The following ZNF577 variants were observed in gnomAD, a reference collection of about 807,000 sequenced individuals.
ZNF577 encodes zinc finger protein 577.
A neutral mutation model predicts 13.9 loss-of-function variants in ZNF577; 14 were observed. The ratio of observed to expected loss-of-function variants is 1.00; its 90% confidence interval spans 0.66 to 1.57. The LOEUF is 1.57. Ranked by LOEUF, ZNF577 falls within the 40% of genes most tolerant of loss-of-function variation. The pLI, the probability that ZNF577 is intolerant of heterozygous loss-of-function variation, is 0.00. For missense variants in ZNF577, 555 were observed against 579.2 expected, an observed-to-expected ratio of 0.96 and a Z score of 0.43; for synonymous variants, 203 against 202.9, an observed-to-expected ratio of 1.00 and a Z score of 0.00.
At chr19:51,858,533 T>G (rs151134967) in intron 5 of ZNF577, among the ~76,000 whole-genome samples, 3 of 152,290 alleles carry the variant, frequency 2.0e-5, no homozygotes, top group Admixed American at 6.5e-5. Flanking sequence ...AATAAAATGG[T>G]GAAGAAAAGA....
intron 5 of ZNF577, among the ~76,000 whole-genome samples, chr19:51,848,281 A>G (rs2084364080): frequency 6.6e-6 from 1 of 152,186 alleles, no homozygotes; most frequent in African/African-American, 2.4e-5. Flanking sequence ...TCGTTCTTCT[A>G]AACCACACGA....
chr19:51,804,941 G>A (rs2084048211), exon 11 of ZNF577: 1 of 152,246 alleles, frequency 6.6e-6, no homozygotes, highest in South Asian at 2.1e-4. Context: ...TCAGTTGGTT[G>A]GTCCAGAGTA....
intron 9 of ZNF577, among the ~76,000 whole-genome samples, chr19:51,817,441 G>A (rs1260923182): frequency 6.6e-6 from 1 of 151,968 alleles, no homozygotes; most frequent in South Asian, 2.1e-4. Flanking sequence ...GTCACTTTCA[G>A]TAGCCATGAA....
intron 1 of ZNF577, chr19:51,885,991 G>A (rs1214935900): frequency 6.6e-6 from 1 of 152,112 alleles, no homozygotes; most frequent in African/African-American, 2.4e-5. Context: ...CAGCAACTTA[G>A]ATGATTTTCA....
chr19:51,829,149 G>A (rs560637766), intron 9 of ZNF577, among the ~76,000 whole-genome samples: 5 of 152,210 alleles, frequency 3.3e-5, no homozygotes, highest in African/African-American at 1.2e-4. Flanking sequence ...GGTCCAACCT[G>A]GCCGAATGAC....
intron 1 of ZNF577, among the ~76,000 whole-genome samples, chr19:51,883,811 A>G (rs59305384): frequency 0.28 from 42,697 of 152,070 alleles, 8,423 homozygotes; most frequent in African/African-American, 0.55. Flanking sequence ...AGTGGCTCAC[A>G]CCTGTAACCC....
downstream of ZNF577, among the ~76,000 whole-genome samples, chr19:51,865,348 C>T (rs796613255): frequency 2.6e-5 from 4 of 152,232 alleles, no homozygotes; most frequent in African/African-American, 7.2e-5. Context: ...CCACCCACCT[C>T]GGCCTCCCAA....
intron 1 of ZNF577, among the ~76,000 whole-genome samples, chr19:51,884,492 A>AT (rs1326986142): frequency 2.0e-5 from 3 of 152,148 alleles, no homozygotes; most frequent in African/African-American, 7.2e-5. Context: ...TCCATGAAAA[A>AT]AAGTTAGAGT....
In ZNF577 at chr19:51,869,995, G is replaced by A. The variant is rs774018141; in HGVS notation, c.*2537C>T. ...GCTGAGCTTGCTTCTCCCTCTCAGG[G>A]AACCTGGTGCTGATTGCTGGTAATT... On this transcript the variant is annotated 3_prime_UTR_variant, in exon 6 of 6. Transcript: ENST00000638348. Among the ~76,000 whole-genome samples, 3 of 152,162 alleles carry A rather than the reference G, an allele frequency of 2.0e-5. No homozygotes were observed. Among genetic ancestry groups the A allele is most frequent in the Non-Finnish European group, 2.9e-5 (2 of 68,026 alleles).
chr19:51,854,315 T>A (rs563569711), intron 5 of ZNF577, among the ~76,000 whole-genome samples: 1 of 151,580 alleles, frequency 6.6e-6, no homozygotes, highest in Non-Finnish European at 1.5e-5. Context: ...GAGAAGGTAA[T>A]GAATTGATGC....
intron 5 of ZNF577, chr19:51,861,014 T>C (rs578008470): frequency 4.9e-6 from 2 of 410,600 alleles, no homozygotes; most frequent in African/African-American, 4.3e-5. Context: ...GAATGATTTA[T>C]CATTTTCATT....
At chr19:51,839,751 G>A (rs1458495630) in intron 9 of ZNF577, 3 of 152,220 alleles carry the variant, frequency 2.0e-5, no homozygotes, top group African/African-American at 7.2e-5. Flanking sequence ...CTCCAATCCA[G>A]ACCACAGAAG....
chr19:51,877,217 C>A (rs1002726110), intron 5 of ZNF577, 65 bp downstream of exon 5: 2 of 1,413,616 alleles, frequency 1.4e-6, no homozygotes, highest in Non-Finnish European at 1.0e-6. Context: ...AAGCATCAAC[C>A]CTTCTCCGAC....
intron 5 of ZNF577, among the ~76,000 whole-genome samples, chr19:51,859,013 A>G (rs571516390): frequency 6.6e-6 from 1 of 152,172 alleles, no homozygotes; most frequent in East Asian, 1.9e-4. Flanking sequence ...CTTCCCCTCT[A>G]GTGCCCAATA....
At chr19:51,815,310 C>G (rs1425152864) in intron 9 of ZNF577, among the ~76,000 whole-genome samples, 1 of 151,972 alleles carries the variant, frequency 6.6e-6, no homozygotes, top group African/African-American at 2.4e-5. Context: ...GCCTGTAATC[C>G]CAGCACTCTC....
In ZNF577 at chr19:51,881,174, A is replaced by G. The variant is rs980264497; in HGVS notation, c.-218-297T>C. 2.6e-5 allele frequency among the ~76,000 whole-genome samples: 4 copies of G among 152,182 alleles called. No individual in the cohort carries two copies. The East Asian group carries it at 7.7e-4, about 29-fold the overall frequency. On this transcript the variant is annotated intron_variant, in intron 1 of 5. Transcript: ENST00000638348. ...GTTCTCACATATATCAGTTTTAGGT[A>G]AGACAATGAAGGAAGTGGTAAAGCC...
intron 5 of ZNF577, among the ~76,000 whole-genome samples, chr19:51,859,665 A>C (rs1394123343): frequency 6.6e-6 from 1 of 152,142 alleles, no homozygotes; most frequent in Admixed American, 6.5e-5. Context: ...AATACTACAA[A>C]TGACAGCAAA....
In ZNF577 at chr19:51,872,620, T is replaced by A. The variant is rs1883192771; in HGVS notation, c.1370A>T (p.Glu457Val). Residue 457 changes from glutamate (E) to valine (V), a missense_variant, in exon 6 of 6, where the codon GAA (glutamate) becomes GTA (valine). Glu to Val is a moderately radical substitution (Grantham distance 121, BLOSUM62 -2). Transcript: ENST00000638348. ...TTCATTTGTGAGGCTTATTCTCTGT[T>A]CAAATTCCTGATTAACTACAAAGGC... ...NQAFVVNQEF[E>V]QRISLTNEVN... is the part of the protein sequence containing the mutation. The A allele has an allele frequency of 6.2e-7, 1 of 1,614,036 alleles. No homozygotes were observed. The highest frequency in any genetic ancestry group is 1.3e-5 in the African/African-American group (1 of 74,950).
rs1381233266 is a variant in ZNF577 at position 51,871,754 on chromosome 19, A to G, written c.*778T>C. The G allele has an allele frequency of 6.6e-6, 1 of 152,128 alleles. No homozygotes were observed. Among genetic ancestry groups the G allele is most frequent in the Non-Finnish European group, 1.5e-5 (1 of 68,050 alleles). The allele number at this position is 152,128 out of a possible 1,614,324, so 9.4% of individuals were successfully genotyped here. A position where few individuals can be genotyped will look rare whatever the true frequency, so the allele number is the denominator to read the frequency against. ...TTGAGTGATGTAAGACTGATTGGCCATTGCTGGTTTTGAAAGGAGGCCCCA... is the reference window on the plus strand; with the variant it reads ...TTGAGTGATGTAAGACTGATTGGCCGTTGCTGGTTTTGAAAGGAGGCCCCA... On this transcript the variant is annotated 3_prime_UTR_variant, in exon 6 of 6. Coordinates refer to ENST00000638348, the MANE Select transcript of ZNF577 (RefSeq NM_001370449.1).
Sources: allele counts gnomAD v4.1 joint callset (sites outside exome capture counted in the v4.1 genomes callset), GRCh38; gene constraint gnomAD v4.1.1; transcripts MANE v1.5; gene names NCBI Gene and HGNC (gene_info 2026-07-23, HGNC 2026-07-21).